MEGF9: variants seen among roughly 807,000 people sequenced by gnomAD.
MEGF9 encodes the protein multiple EGF like domains 9, also known as multiple epidermal growth factor-like domains protein 9.
Under a neutral mutation model 46.8 loss-of-function variants are expected in MEGF9, and 6 were observed. The ratio of observed to expected loss-of-function variants is 0.13; its 90% CI spans 0.07 to 0.25. The LOEUF (loss-of-function observed/expected upper bound fraction) is 0.25, where lower values mean the gene tolerates loss of function less well. MEGF9 is among the 10% of genes least tolerant of loss of function. The pLI, the probability that MEGF9 is intolerant of heterozygous loss-of-function variation, is 1.00. For synonymous variants in MEGF9, 302 were observed against 330.7 expected (o/e 0.91, Z 0.94); for missense variants, 683 against 792.4 (o/e 0.86, Z 1.66).
intron 2 of MEGF9, among the ~76,000 whole-genome samples, chr9:120,658,111 A>C (rs1034265353): frequency 1.9e-4 from 29 of 151,924 alleles, no homozygotes; most frequent in Admixed American, 3.3e-4. Flanking sequence ...CAGCCTCCCG[A>C]GTAGCTGGGA....
chr9:120,693,292 A>AG (rs1554799317), intron 1 of MEGF9, among the ~76,000 whole-genome samples: 10 of 147,548 alleles, frequency 6.8e-5, no homozygotes, highest in Middle Eastern at 3.4e-3. Flanking sequence ...AAAAAAAAAA[A>AG]AAGAAGAAGA....
In MEGF9 at chr9:120,600,967, ACT is replaced by A. The variant is rs1174712038; in HGVS notation, c.*4221_*4222del. ...TTTATTTTTAATAATTTTAAATAACACTCTTGTATAAATTCTTTCATATATTC... is the reference window on the plus strand; with the variant it reads ...TTTATTTTTAATAATTTTAAATAACACTTGTATAAATTCTTTCATATATTC... On this transcript the variant is annotated 3_prime_UTR_variant, in exon 6 of 6. Transcript: ENST00000373930. 2.0e-5 allele frequency: 3 copies of A among 152,592 alleles called. No individual in the cohort carries two copies. The highest frequency in any genetic ancestry group is 4.4e-5 in the Non-Finnish European group (3 of 68,034). The allele number at this position is 152,592 out of a possible 1,614,324, so 9.5% of individuals were successfully genotyped here. A position where few individuals can be genotyped will look rare whatever the true frequency, so the allele number is the denominator to read the frequency against.
chr9:120,663,498 A>G (rs936441397), intron 1 of MEGF9, among the ~76,000 whole-genome samples: 1 of 152,188 alleles, frequency 6.6e-6, no homozygotes, highest in African/African-American at 2.4e-5. Flanking sequence ...AAAAGAAGGA[A>G]GGAAGTTTCA....
intron 2 of MEGF9, among the ~76,000 whole-genome samples, chr9:120,649,939 C>T (rs2043642489): frequency 6.6e-6 from 1 of 152,072 alleles, no homozygotes; most frequent in African/African-American, 2.4e-5. Context: ...AAATGATGCA[C>T]CTTGTACTCT....
At chr9:120,713,232 C>T (rs2043961181) in intron 1 of MEGF9, among the ~76,000 whole-genome samples, 1 of 152,140 alleles carries the variant, frequency 6.6e-6, no homozygotes, top group Non-Finnish European at 1.5e-5. Context: ...TCAAGTGGTC[C>T]ATACTACTGT....
chr9:120,667,021 T>C (rs2043728194), intron 1 of MEGF9, among the ~76,000 whole-genome samples: 1 of 152,164 alleles, frequency 6.6e-6, no homozygotes, highest in Admixed American at 6.5e-5. Context: ...GTATCAACAC[T>C]GACAGAACTA....
intron 2 of MEGF9, among the ~76,000 whole-genome samples, chr9:120,627,404 C>T (rs976780064): frequency 2.0e-5 from 3 of 152,166 alleles, no homozygotes; most frequent in African/African-American, 4.8e-5. Context: ...TTAGGTATCA[C>T]ATTATCAATT....
chr9:120,714,453 C>T lies in MEGF9; in HGVS notation c.-95G>A. 1 of 1,061,936 alleles carries T rather than the reference C, an allele frequency of 9.4e-7. No individual in the cohort carries two copies. The highest frequency in any genetic ancestry group is 1.2e-6 in the Non-Finnish European group (1 of 837,096). The allele number at this position is 1,061,936 out of a possible 1,614,324, so 65.8% of individuals were successfully genotyped here. ...GCCGCCGCCACCGCCACCGGGCGCA[C>T]CATCGCCACCTCCCTCTGACAGGCG... On this transcript the variant is annotated 5_prime_UTR_variant, in exon 1 of 6. It adds an upstream start codon to the 5' untranslated region. Transcript: ENST00000373930.
At chr9:120,638,194 GT>G (rs1366675745) in intron 2 of MEGF9, among the ~76,000 whole-genome samples, 1 of 152,086 alleles carries the variant, frequency 6.6e-6, no homozygotes, top group Non-Finnish European at 1.5e-5. Flanking sequence ...GTCTCACTAT[GT>G]TACCCACGTT....
intron 1 of MEGF9, among the ~76,000 whole-genome samples, chr9:120,697,145 T>G (rs2043881347): frequency 6.6e-6 from 1 of 152,236 alleles, no homozygotes; most frequent in Admixed American, 6.5e-5. Flanking sequence ...TACAGTGGGA[T>G]GAGCTTGGCT....
intron 1 of MEGF9, among the ~76,000 whole-genome samples, chr9:120,681,175 G>A (rs2043797298): frequency 1.3e-5 from 2 of 151,304 alleles, no homozygotes; most frequent in Admixed American, 6.6e-5. Flanking sequence ...AGAGCCCACG[G>A]CCCCACAGTG....
intron 2 of MEGF9, among the ~76,000 whole-genome samples, chr9:120,657,713 T>A (rs539606738): frequency 4.6e-5 from 7 of 152,128 alleles, no homozygotes; most frequent in Non-Finnish European, 1.0e-4. Context: ...AAGCTACCAC[T>A]CTATTCTCAA....
intron 2 of MEGF9, among the ~76,000 whole-genome samples, chr9:120,656,810 T>C (rs115487575): frequency 1.3e-5 from 2 of 151,962 alleles, no homozygotes; most frequent in African/African-American, 2.4e-5. Flanking sequence ...CAGCCAGGCA[T>C]GGTGGCTCAT....
At chr9:120,682,639 G>A (rs575417753) in intron 1 of MEGF9, among the ~76,000 whole-genome samples, 1 of 152,304 alleles carries the variant, frequency 6.6e-6, no homozygotes, top group Admixed American at 6.5e-5. Context: ...CCAAGCTGGA[G>A]TGTAGTGGCA....
intron 2 of MEGF9, among the ~76,000 whole-genome samples, chr9:120,657,548 G>T (rs2132321765): frequency 6.6e-6 from 1 of 152,246 alleles, no homozygotes; most frequent in South Asian, 2.1e-4. Flanking sequence ...AAATATGTTT[G>T]CAGAATATTA....
chr9:120,627,266 G>T (rs1421431259), intron 2 of MEGF9, among the ~76,000 whole-genome samples: 2 of 152,106 alleles, frequency 1.3e-5, no homozygotes, highest in African/African-American at 2.4e-5. Flanking sequence ...GACCTGACTT[G>T]CTTTTCTACC....
intron 2 of MEGF9, among the ~76,000 whole-genome samples, chr9:120,648,998 C>T (rs536566837): frequency 2.0e-5 from 3 of 152,250 alleles, no homozygotes; most frequent in Admixed American, 1.3e-4. Context: ...CCCACCATAC[C>T]GAAGTCTTCA....
At chr9:120,680,109 C>T (rs1480291518) in intron 1 of MEGF9, among the ~76,000 whole-genome samples, 1 of 152,186 alleles carries the variant, frequency 6.6e-6, no homozygotes, top group African/African-American at 2.4e-5. Flanking sequence ...CTCAAAACAG[C>T]TATTTTGAAT....
chr9:120,641,355 G>C (rs1198714313), intron 2 of MEGF9, among the ~76,000 whole-genome samples: 1 of 152,122 alleles, frequency 6.6e-6, no homozygotes, highest in Non-Finnish European at 1.5e-5. Context: ...AAAAGTCCTA[G>C]CCCTCAAAGA....
Sources: gnomAD v4.1 joint callset for allele counts (sites outside exome capture counted in the v4.1 genomes callset) on GRCh38, gnomAD v4.1.1 for gene constraint, MANE v1.5 for transcripts, NCBI Gene and HGNC (gene_info 2026-07-23, HGNC 2026-07-21) for gene names.